The following TET2 variants were observed in gnomAD, a reference collection of about 807,000 sequenced individuals.
TET2 encodes tet methylcytosine dioxygenase 2.
Under a neutral mutation model 142.9 loss-of-function variants are expected in TET2, and 299 were observed. The ratio of observed to expected loss-of-function variants is 2.09; its 90% CI spans 1.90 to 2.30. The LOEUF is 2.30. TET2 is among the 30% of genes most tolerant of loss of function. The probability of loss-of-function intolerance (pLI) is 0.00; values close to 1 mark genes in which losing one functional copy is unlikely to be tolerated. For missense variants in TET2, 2,418 were observed against 2,378.0 expected, an observed-to-expected ratio of 1.02 and a Z score of -0.35; for synonymous variants, 819 against 849.0, an observed-to-expected ratio of 0.96 and a Z score of 0.61.
At chr4:105,211,764 A>G (rs1010223078) in intron 2 of TET2, among the ~76,000 whole-genome samples, 2 of 152,206 alleles carry the variant, frequency 1.3e-5, no homozygotes, top group African/African-American at 4.8e-5. Context: ...CAGAAGATGC[A>G]TGCCTGTTTG....
chr4:105,149,980 T>C (rs1392908098), intron 1 of TET2, among the ~76,000 whole-genome samples: 1 of 152,232 alleles, frequency 6.6e-6, no homozygotes, highest in Admixed American at 6.5e-5. Flanking sequence ...AATGTTTTAG[T>C]TTCACTTGTT....
At position 105,235,740 on chromosome 4, in the gene TET2, A is replaced by G. The variant is rs1728831311; in HGVS notation, c.1798A>G (p.Met600Val). Reference sequence around the variant, plus strand: ...GTATCAACCCAATCTCTCCAATCAAATGACCTCCAAACAATACACTGGAAA... The same window carrying G: ...GTATCAACCCAATCTCTCCAATCAAGTGACCTCCAAACAATACACTGGAAA... ...LQYQPNLSNQ[M>V]TSKQYTGNSN... The change falls in exon 3 of 11, where the codon ATG (methionine) becomes GTG (valine). Residue 600 changes from methionine to valine, a missense_variant. Coordinates refer to ENST00000380013, the MANE Select transcript of TET2 (RefSeq NM_001127208.3). 1 of 1,614,058 alleles carries G rather than the reference A, an allele frequency of 6.2e-7. No homozygotes were observed. The highest frequency in any genetic ancestry group is 1.3e-5 in the African/African-American group (1 of 74,936).
rs577823197 is a variant in TET2, at chr4:105,248,117, GGA to G, written c.3803+4342_3803+4343del. ...AAAATCATCTTATTTATATACATCAGGAGACACATAATGTCTGTTTGTTTCCC... is the reference window on the plus strand; with the variant it reads ...AAAATCATCTTATTTATATACATCAGGACACATAATGTCTGTTTGTTTCCC... On this transcript the variant is annotated intron_variant, in intron 6 of 10. Coordinates refer to ENST00000380013, the MANE Select transcript of TET2 (RefSeq NM_001127208.3). Among the ~76,000 whole-genome samples, 38 of 152,232 alleles carry G rather than the reference GGA, an allele frequency of 2.5e-4. No individual in the cohort carries two copies. The East Asian group carries it at 7.3e-3, about 29-fold the overall frequency.
At chr4:105,155,202 T>C (rs951099631) in intron 1 of TET2, among the ~76,000 whole-genome samples, 1 of 152,242 alleles carries the variant, frequency 6.6e-6, no homozygotes, top group African/African-American at 2.4e-5. Flanking sequence ...GTTAACTGTT[T>C]ATATCTCCAC....
intron 2 of TET2, among the ~76,000 whole-genome samples, chr4:105,221,605 T>A (rs1196718368): frequency 6.6e-6 from 1 of 152,214 alleles, no homozygotes; most frequent in African/African-American, 2.4e-5. Context: ...GCTGTATGTG[T>A]ATGTGCAGCT....
In TET2 at chr4:105,235,253, C is replaced by G. The variant is rs1361758201; in HGVS notation, c.1311C>G (p.Tyr437Ter). The G allele has an allele frequency of 6.2e-7, 1 of 1,613,998 alleles. No individual in the cohort carries two copies. The highest frequency in any genetic ancestry group is 8.5e-7 in the Non-Finnish European group (1 of 1,180,006). The change falls in exon 3 of 11, where the codon TAC becomes TAG. Residue 437 changes from tyrosine to a stop codon, truncating the protein, a stop_gained. Coordinates refer to ENST00000380013, the MANE Select transcript of TET2 (RefSeq NM_001127208.3). LOFTEE classifies it high-confidence loss of function. ...GAGTTTTAGAAGAACACCACCACTA[C>G]CCCAACCAAAGTAACACAACACTTT... The part of the protein sequence containing the change: ...NGGVLEEHHH[Y>*]PNQSNTTLLR...
chr4:105,241,691 G>T, intron 4 of TET2: 1 of 1,273,422 alleles, frequency 7.9e-7, no homozygotes, highest in African/African-American at 1.5e-5. Flanking sequence ...AACAGGAATC[G>T]GCCAGCCAGG....
At chr4:105,174,562 A>G (rs1462137016) in intron 1 of TET2, among the ~76,000 whole-genome samples, 1 of 152,200 alleles carries the variant, frequency 6.6e-6, no homozygotes, top group Non-Finnish European at 1.5e-5. Flanking sequence ...TGGGGCAAAA[A>G]CCTACAAGGA....
intron 1 of TET2, among the ~76,000 whole-genome samples, chr4:105,189,661 T>A (rs981193098): frequency 6.6e-6 from 1 of 152,228 alleles, no homozygotes; most frequent in Admixed American, 6.5e-5. Flanking sequence ...TAGCACCCAA[T>A]ATTTTTACTA....
In TET2 at chr4:105,278,171, C is replaced by CATACATATATATATATATATATATATAT. The variant is rs577624044; in HGVS notation, c.*1655_*1656insCATATATATATATATATATATATATATA. On this transcript the variant is annotated 3_prime_UTR_variant, in exon 11 of 11. Transcript: ENST00000380013. ...GTACTGTAAAAAAATTAAATATATACATATATATATATATATATATATATA... is the reference window on the plus strand; with the variant it reads ...GTACTGTAAAAAAATTAAATATATACATACATATATATATATATATATATATATATATATATATATATATATATATATA... The CATACATATATATATATATATATATATAT allele has an allele frequency of 2.6e-5, 3 of 113,940 alleles. No individual in the cohort carries two copies. Among genetic ancestry groups the CATACATATATATATATATATATATATAT allele is most frequent in the African/African-American group, 1.2e-4 (3 of 24,396 alleles). The allele number at this position is 113,940 out of a possible 1,614,324, so 7.1% of individuals were successfully genotyped here. A position where few individuals can be genotyped will look rare whatever the true frequency, so the allele number is the denominator to read the frequency against.
At position 105,237,322 on chromosome 4, in the gene TET2, A is replaced by AT. The variant is rs773339834; in HGVS notation, c.3380_3381insT (p.Gln1127HisfsTer3). The AT allele has an allele frequency of 6.2e-7, 1 of 1,614,166 alleles. No individual in the cohort carries two copies. Among genetic ancestry groups the AT allele is most frequent in the East Asian group, 2.2e-5 (1 of 44,890 alleles). ...TTATTGGATACACCTGTCAAGACTC[A>AT]ATATGATTTCCCATCTTGCAGATGT... On this transcript the variant is annotated frameshift_variant, in exon 3 of 11. Coordinates refer to ENST00000380013, the MANE Select transcript of TET2 (RefSeq NM_001127208.3). LOFTEE classifies it high-confidence loss of function.
At chr4:105,186,100 C>A (rs1725425168) in intron 1 of TET2, among the ~76,000 whole-genome samples, 1 of 152,044 alleles carries the variant, frequency 6.6e-6, no homozygotes, top group Non-Finnish European at 1.5e-5. Flanking sequence ...TGTGGTGGTA[C>A]ATGCCTGTAG....
At position 105,278,339 on chromosome 4, in the gene TET2, G is replaced by A. The variant is rs1731314946; in HGVS notation, c.*1820G>A. On this transcript the variant is annotated 3_prime_UTR_variant, in exon 11 of 11. Coordinates refer to ENST00000380013, the MANE Select transcript of TET2 (RefSeq NM_001127208.3). ...ATACCTCAACACTAGTTTGGCAATA[G>A]GATATTGAACTGAGAGTGAAAGCAT... is the stretch of plus-strand genomic sequence containing the variant. 1 of 216,208 alleles carries A rather than the reference G, an allele frequency of 4.6e-6. No homozygotes were observed. Among genetic ancestry groups the A allele is most frequent in the African/African-American group, 2.3e-5 (1 of 44,020 alleles). 13.4% of individuals were successfully genotyped at this position (216,208 alleles called of 1,614,324 possible). A position where few individuals can be genotyped will look rare whatever the true frequency, so the allele number is the denominator to read the frequency against.
chr4:105,269,484 G>T, intron 8 of TET2, 126 bp from the exon 9 acceptor site: 1 of 997,358 alleles, frequency 1.0e-6, no homozygotes, highest in Non-Finnish European at 1.4e-6. Flanking sequence ...ATTCCATTTT[G>T]TTTCTGGATA....
chr4:105,237,251 T>G lies in TET2; in HGVS notation c.3309T>G (p.Asn1103Lys). 6.2e-7 allele frequency: 1 copy of G among 1,614,098 alleles called. No homozygotes were observed. Among genetic ancestry groups the G allele is most frequent in the Non-Finnish European group, 8.5e-7 (1 of 1,179,962 alleles). The change falls in exon 3 of 11, where the codon AAT (asparagine) becomes AAG (lysine). Residue 1103 changes from asparagine to lysine, a missense_variant. Asn to Lys is a moderately conservative substitution (Grantham distance 94, BLOSUM62 0). Transcript: ENST00000380013. Reference protein sequence around the residue: ...TKRTAASVLNNFIESPSKLLD... With the variant: ...TKRTAASVLNKFIESPSKLLD... ...GAACAGCTGCTTCTGTTCTCAATAA[T>G]TTTATAGAGTCACCTTCCAAATTAC...
At chr4:105,211,234 C>T (rs1727141468) in intron 2 of TET2, among the ~76,000 whole-genome samples, 1 of 152,122 alleles carries the variant, frequency 6.6e-6, no homozygotes. Flanking sequence ...CTTTCCTTAC[C>T]TGCTCTATCT....
At chr4:105,188,609 A>G (rs1725600801) in intron 1 of TET2, among the ~76,000 whole-genome samples, 1 of 152,238 alleles carries the variant, frequency 6.6e-6, no homozygotes, top group Non-Finnish European at 1.5e-5. Context: ...GAAGTAACCC[A>G]AAAGTTCATC....
At chr4:105,181,075 T>TTCTGTAAATCA (rs1204822211) in intron 1 of TET2, among the ~76,000 whole-genome samples, 1 of 152,220 alleles carries the variant, frequency 6.6e-6, no homozygotes, top group Non-Finnish European at 1.5e-5. Context: ...TAGTCTCTGA[T>TTCTGTAAATCA]TCTGTAAATC....
At position 105,259,637 on chromosome 4, in the gene TET2, G is replaced by C; in HGVS notation, c.3822G>C (p.Gln1274His). 1.3e-6 allele frequency: 2 copies of C among 1,550,936 alleles called. No homozygotes were observed. Among genetic ancestry groups the C allele is most frequent in the Non-Finnish European group, 8.7e-7 (1 of 1,146,402 alleles). Residue 1274 changes from glutamine (Q) to histidine (H), a missense_variant, in exon 7 of 11, where the codon CAG (glutamine) becomes CAC (histidine). Transcript: ENST00000380013. ...ALNEERTCACQGLDPETCGAS... is the reference protein window; with the variant it reads ...ALNEERTCACHGLDPETCGAS... ...TTTTCAGGAGAACTTGCGCCTGTCA[G>C]GGGCTGGATCCAGAAACCTGTGGTG...
Sources: gnomAD v4.1 joint callset for allele counts (sites outside exome capture counted in the v4.1 genomes callset) on GRCh38, gnomAD v4.1.1 for gene constraint, MANE v1.5 for transcripts, NCBI Gene and HGNC (gene_info 2026-07-23, HGNC 2026-07-21) for gene names.